ARL14EPL: variants seen among roughly 807,000 people sequenced by gnomAD.
ARL14EPL encodes the protein ARF like GTPase 14 effector protein like.
A neutral mutation model predicts 15.9 loss-of-function variants in ARL14EPL; 17 were observed. The ratio of observed to expected loss-of-function variants is 1.07; its 90% CI spans 0.73 to 1.60. ARL14EPL has a LOEUF of 1.60. Ranked by LOEUF, ARL14EPL falls within the 40% of genes most tolerant of loss-of-function variation. The pLI, the probability that ARL14EPL is intolerant of heterozygous loss-of-function variation, is 0.00. For synonymous variants in ARL14EPL, 78 were observed against 63.8 expected, an observed-to-expected ratio of 1.22 and a Z score of -1.06; for missense variants, 214 against 185.9, an observed-to-expected ratio of 1.15 and a Z score of -0.88.
chr5:116,045,124 A>G (rs915328005), intron 1 of ARL14EPL, among the ~76,000 whole-genome samples: 2 of 152,184 alleles, frequency 1.3e-5, no homozygotes, highest in African/African-American at 4.8e-5. Flanking sequence ...AAAACAAGCC[A>G]CATCATGTAG....
chr5:116,044,370 T>C (rs1749224090), intron 1 of ARL14EPL, among the ~76,000 whole-genome samples: 1 of 152,080 alleles, frequency 6.6e-6, no homozygotes, highest in East Asian at 1.9e-4. Context: ...AATTTAGAGA[T>C]TAGTATACGT....
At chr5:116,054,232 C>G in intron 3 of ARL14EPL, 79 bp downstream of exon 3, 1 of 1,346,616 alleles carries the variant, frequency 7.4e-7, no homozygotes, top group Non-Finnish European at 9.8e-7. Flanking sequence ...ATGAAAGATT[C>G]CCTCTTTTTA....
chr5:116,055,966 AG>A (rs1283172524), intron 3 of ARL14EPL, among the ~76,000 whole-genome samples: 1 of 152,192 alleles, frequency 6.6e-6, no homozygotes, highest in Non-Finnish European at 1.5e-5. Context: ...GTCCCTACAA[AG>A]GACATGAACT....
chr5:116,050,192 G>A (rs1749343634), intron 1 of ARL14EPL, among the ~76,000 whole-genome samples: 2 of 152,136 alleles, frequency 1.3e-5, no homozygotes, highest in Non-Finnish European at 1.5e-5. Flanking sequence ...GTTTGTTACA[G>A]GGGGATAATG....
Position 116,059,040 on chromosome 5 carries a change from T to A in ARL14EPL, c.*93T>A. ...TGAATTTTAGGGCTTGGGGGAAATATCGAAAAAACATACTGAAGACTCATG... is the reference window on the plus strand; with the variant it reads ...TGAATTTTAGGGCTTGGGGGAAATAACGAAAAAACATACTGAAGACTCATG... On this transcript the variant is annotated 3_prime_UTR_variant, in exon 4 of 4. Coordinates refer to ENST00000686077, the MANE Select transcript of ARL14EPL (RefSeq NM_001195581.2). 5.9e-6 allele frequency: 7 copies of A among 1,194,614 alleles called. No homozygotes were observed. The Admixed American group carries it at 6.5e-5, about 11-fold the overall frequency. 74.0% of individuals were successfully genotyped at this position (1,194,614 alleles called of 1,614,324 possible). A position where few individuals can be genotyped will look rare whatever the true frequency, so the allele number is the denominator to read the frequency against.
intron 1 of ARL14EPL, among the ~76,000 whole-genome samples, chr5:116,045,745 A>AGAGTGTGTGTGTGT (rs1402557854): frequency 1.4e-3 from 212 of 148,738 alleles, no homozygotes; most frequent in African/African-American, 5.2e-3. Flanking sequence ...GACCCACAGA[A>AGAGTGTGTGTGTGT]GTGTGTGTGT....
chr5:116,051,433 T>G, intron 1 of ARL14EPL, 24 bp from the exon 2 acceptor site: 1 of 1,375,480 alleles, frequency 7.3e-7, no homozygotes, highest in Non-Finnish European at 1.0e-6. Flanking sequence ...TAATATGTTT[T>G]ACTTTTTCCA....
intron 1 of ARL14EPL, among the ~76,000 whole-genome samples, chr5:116,037,617 G>A (rs1749071119): frequency 6.6e-6 from 1 of 152,152 alleles, no homozygotes; most frequent in Non-Finnish European, 1.5e-5. Context: ...TTCTGGATTA[G>A]GGGTTTTGTG....
chr5:116,054,265 T>C, intron 3 of ARL14EPL, 112 bp downstream of exon 3: 1 of 1,184,146 alleles, frequency 8.4e-7, no homozygotes, highest in Non-Finnish European at 1.1e-6. Context: ...TAAAAATATC[T>C]CCTCTGAAAT....
intron 1 of ARL14EPL, among the ~76,000 whole-genome samples, chr5:116,050,308 C>G (rs1265808154): frequency 6.6e-6 from 1 of 152,162 alleles, no homozygotes; most frequent in East Asian, 1.9e-4. Flanking sequence ...CCATGTGTAG[C>G]CAGCGTTTAG....
intron 1 of ARL14EPL, among the ~76,000 whole-genome samples, chr5:116,050,815 T>TCTCTCTCTC (rs1561579519): frequency 1.1e-4 from 14 of 125,894 alleles, no homozygotes; most frequent in Admixed American, 1.6e-4. Context: ...TCTCTCTCTC[T>TCTCTCTCTC]TACACACACA....
intron 1 of ARL14EPL, 30 bp from the exon 2 acceptor site, chr5:116,051,427 A>T (rs754880990): frequency 7.7e-7 from 1 of 1,301,430 alleles, no homozygotes; most frequent in South Asian, 1.3e-5. Context: ...TGATATTAAT[A>T]TGTTTTACTT....
At chr5:116,047,825 TG>T (rs1173252129) in intron 1 of ARL14EPL, among the ~76,000 whole-genome samples, 4 of 152,148 alleles carry the variant, frequency 2.6e-5, no homozygotes, top group Non-Finnish European at 4.4e-5. Context: ...TGGCTGGCCT[TG>T]GAGAAAAGGG....
chr5:116,042,391 A>C (rs1346741815), intron 1 of ARL14EPL, among the ~76,000 whole-genome samples: 2 of 152,202 alleles, frequency 1.3e-5, no homozygotes, highest in Non-Finnish European at 2.9e-5. Context: ...CCTTGAGTAC[A>C]TCCAGTGAAG....
intron 2 of ARL14EPL, 71 bp from the exon 3 acceptor site, chr5:116,053,943 T>C (rs2112680133): frequency 1.5e-6 from 2 of 1,348,888 alleles, no homozygotes; most frequent in Middle Eastern, 3.7e-4. Flanking sequence ...TACAGAAAGT[T>C]CATTTTGGGG....
At chr5:116,038,586 G>A (rs760029088) in intron 1 of ARL14EPL, among the ~76,000 whole-genome samples, 2 of 152,050 alleles carry the variant, frequency 1.3e-5, no homozygotes, top group Non-Finnish European at 2.9e-5. Flanking sequence ...GAGGAGGAAA[G>A]TGACACAATG....
chr5:116,042,406 T>C (rs2063254), intron 1 of ARL14EPL, among the ~76,000 whole-genome samples: 22,871 of 152,164 alleles, frequency 0.15, 3,067 homozygotes, highest in African/African-American at 0.36. Context: ...GTGAAGGAGC[T>C]ACTGGTCCTG....
intron 1 of ARL14EPL, among the ~76,000 whole-genome samples, chr5:116,050,829 GCA>G (rs10612147): frequency 0.19 from 26,801 of 140,630 alleles, 2,475 homozygotes; most frequent in African/African-American, 0.24. Context: ...ACACACACAT[GCA>G]CACACACACA....
chr5:116,035,689 G>A (rs1749037408), intron 1 of ARL14EPL, among the ~76,000 whole-genome samples: 1 of 152,194 alleles, frequency 6.6e-6, no homozygotes, highest in African/African-American at 2.4e-5. Flanking sequence ...GCTCAGCCCA[G>A]CCAGGATCCA....
Sources: allele counts gnomAD v4.1 joint callset (sites outside exome capture counted in the v4.1 genomes callset), GRCh38; gene constraint gnomAD v4.1.1; transcripts MANE v1.5; gene names NCBI Gene and HGNC (gene_info 2026-07-23, HGNC 2026-07-21).